Variants in PCSK2 observed in about 807,000 individuals in gnomAD.
PCSK2 encodes proprotein convertase subtilisin/kexin type 2, also known as neuroendocrine convertase 2.
Under a neutral mutation model 69.7 loss-of-function variants are expected in PCSK2, and 14 were observed. That is an observed-to-expected ratio of 0.20 (90% CI 0.13 to 0.31). PCSK2 has a LOEUF of 0.31. Ranked by LOEUF, PCSK2 falls within the 10% of genes least tolerant of loss-of-function variation. The pLI is 1.00. For synonymous variants in PCSK2, 307 were observed against 320.7 expected (o/e 0.96, Z 0.46); for missense variants, 544 against 842.5 (o/e 0.65, Z 4.39).
intron 5 of PCSK2, among the ~76,000 whole-genome samples, chr20:17,378,721 G>A (rs1460107334): frequency 6.6e-6 from 1 of 152,076 alleles, no homozygotes; most frequent in African/African-American, 2.4e-5. Flanking sequence ...GGAACGGATG[G>A]ATGAAAAGAT....
chr20:17,433,060 G>A (rs967603245), intron 7 of PCSK2, among the ~76,000 whole-genome samples: 1 of 152,192 alleles, frequency 6.6e-6, no homozygotes, highest in Non-Finnish European at 1.5e-5. Flanking sequence ...AGGGGGCCAG[G>A]CCAGGTGGGT....
In PCSK2 at chr20:17,409,279, A is replaced by T. The variant is rs2031820498; in HGVS notation, c.560A>T (p.Tyr187Phe). ...GTTTTTCAGAATGCCGAAGCAAGTT[A>T]CGACTTCAGCAGCAACGACCCCTAT... ...LASNYNAEAS[Y>F]DFSSNDPYPY... The change falls in exon 6 of 12, where the codon TAC becomes TTC. Residue 187 changes from tyrosine (Y) to phenylalanine (F), a missense_variant. Around this residue, in one of 3 missense-constraint regions of PCSK2, gnomAD observed 187 missense variants for 399.8 expected, o/e 0.47. Transcript: ENST00000262545. 10 of 1,613,754 alleles carry T rather than the reference A, an allele frequency of 6.2e-6. No homozygotes were observed. Among genetic ancestry groups the T allele is most frequent in the Non-Finnish European group, 8.5e-6 (10 of 1,179,766 alleles).
intron 4 of PCSK2, among the ~76,000 whole-genome samples, chr20:17,363,834 C>G (rs1167426053): frequency 6.6e-6 from 1 of 152,198 alleles, no homozygotes; most frequent in Non-Finnish European, 1.5e-5. Flanking sequence ...CACAGTTATT[C>G]CCTAAGGTTG....
At chr20:17,355,450 C>T (rs1029925968) in intron 2 of PCSK2, among the ~76,000 whole-genome samples, 2 of 152,112 alleles carry the variant, frequency 1.3e-5, no homozygotes, top group East Asian at 3.9e-4. Flanking sequence ...AAAGGCCTCT[C>T]GTTGTGGAAC....
intron 2 of PCSK2, among the ~76,000 whole-genome samples, chr20:17,347,889 AAAGAAAGAAAGAAAGAAAG>A (rs1227130951): frequency 1.5e-4 from 1 of 6,830 alleles, no homozygotes; most frequent in Non-Finnish European, 5.2e-4. Context: ...AGAAAGAAAG[AAAGAAAGAAAGAAAGAAAG>A]AAAGAAAGAA....
intron 10 of PCSK2, among the ~76,000 whole-genome samples, chr20:17,459,880 T>C (rs1247371462): frequency 6.6e-6 from 1 of 152,194 alleles, no homozygotes; most frequent in Non-Finnish European, 1.5e-5. Context: ...TGTGAATCTA[T>C]GACTCTGGGT....
At chr20:17,479,736 G>A (rs539004738) in intron 11 of PCSK2, among the ~76,000 whole-genome samples, 2 of 146,472 alleles carry the variant, frequency 1.4e-5, no homozygotes, top group Non-Finnish European at 3.0e-5. Context: ...GGCGGAGCTT[G>A]CAGTGAGCCG....
chr20:17,228,090 AC>A (rs1418684380), intron 1 of PCSK2: 1 of 152,178 alleles, frequency 6.6e-6, no homozygotes, highest in Non-Finnish European at 1.5e-5. Flanking sequence ...ACCCCCGCCC[AC>A]GACCGCCCAC....
intron 5 of PCSK2, among the ~76,000 whole-genome samples, chr20:17,388,322 A>G (rs6111527): frequency 0.31 from 46,819 of 151,978 alleles, 8,598 homozygotes; most frequent in South Asian, 0.58. Flanking sequence ...TTTGCCTGCT[A>G]AAGAGACAGA....
intron 2 of PCSK2, among the ~76,000 whole-genome samples, chr20:17,347,632 C>T (rs1158014728): frequency 2.6e-5 from 4 of 151,956 alleles, no homozygotes; most frequent in Admixed American, 6.6e-5. Context: ...GTGTCAGTGT[C>T]GGTTCAGCAC....
At chr20:17,412,509 C>T (rs62201044) in intron 6 of PCSK2, among the ~76,000 whole-genome samples, 12,984 of 152,204 alleles carry the variant, frequency 0.085, 633 homozygotes, top group Middle Eastern at 0.22. Context: ...TGAAAAAACC[C>T]TCCAAGAAAT....
intron 4 of PCSK2, among the ~76,000 whole-genome samples, chr20:17,362,999 C>T (rs535901798): frequency 2.8e-4 from 43 of 152,338 alleles, no homozygotes; most frequent in Middle Eastern, 3.4e-3. Context: ...TCTCTCTTAA[C>T]GACCTGCACG....
chr20:17,272,194 T>C (rs1987896116), intron 2 of PCSK2, among the ~76,000 whole-genome samples: 1 of 152,178 alleles, frequency 6.6e-6, no homozygotes, highest in Non-Finnish European at 1.5e-5. Context: ...CCTTCCTGAT[T>C]ACACCTCTCT....
At chr20:17,398,625 T>C (rs1444751312) in intron 5 of PCSK2, among the ~76,000 whole-genome samples, 1 of 151,708 alleles carries the variant, frequency 6.6e-6, no homozygotes, top group Admixed American at 6.6e-5. Flanking sequence ...GTGCTGCTAG[T>C]ACACAGATCA....
At chr20:17,249,400 G>C (rs1048509991) in intron 1 of PCSK2, among the ~76,000 whole-genome samples, 1 of 151,624 alleles carries the variant, frequency 6.6e-6, no homozygotes, top group Non-Finnish European at 1.5e-5. Context: ...CCAGCTACTC[G>C]GGAGGCTGAG....
chr20:17,425,007 C>A (rs558540752), intron 6 of PCSK2, among the ~76,000 whole-genome samples: 1 of 151,240 alleles, frequency 6.6e-6, no homozygotes, highest in Admixed American at 6.6e-5. Context: ...AACTCCTGAT[C>A]TCAAGCAATA....
At chr20:17,434,655 C>T (rs1003167054) in intron 7 of PCSK2, among the ~76,000 whole-genome samples, 3 of 152,156 alleles carry the variant, frequency 2.0e-5, no homozygotes, top group Non-Finnish European at 4.4e-5. Flanking sequence ...TGCCATGCAC[C>T]AGCCCTGGCA....
At chr20:17,232,002 C>T (rs1480685282) in intron 1 of PCSK2, among the ~76,000 whole-genome samples, 1 of 152,208 alleles carries the variant, frequency 6.6e-6, no homozygotes, top group African/African-American at 2.4e-5. Context: ...CTGATTCGTT[C>T]AAGCCCACCA....
chr20:17,233,445 A>G (rs1385144019), intron 1 of PCSK2, among the ~76,000 whole-genome samples: 6 of 152,166 alleles, frequency 3.9e-5, no homozygotes, highest in African/African-American at 1.4e-4. Context: ...TTGAGTAAGG[A>G]ATAGGAACCC....
Sources: gnomAD v4.1 joint callset for allele counts (sites outside exome capture counted in the v4.1 genomes callset) on GRCh38, gnomAD v4.1.1 for gene constraint, gnomAD v4.1.1 regional missense constraint, MANE v1.5 for transcripts, NCBI Gene and HGNC (gene_info 2026-07-23, HGNC 2026-07-21) for gene names.